Variants in EFL1 observed in about 807,000 individuals in gnomAD.
EFL1 encodes elongation factor-like GTPase 1.
EFL1 carries 76 observed loss-of-function variants against 126.7 expected under a neutral mutation model. The observed-to-expected ratio is 0.60, with a 90% CI of 0.50 to 0.73. EFL1 has a LOEUF of 0.73. Ranked by LOEUF, EFL1 falls within the 30% of genes least tolerant of loss-of-function variation. EFL1 has a pLI of 0.00. For synonymous variants in EFL1, 410 were observed against 448.4 expected (o/e 0.91, Z 1.08); for missense variants, 1,128 against 1,343.2 (o/e 0.84, Z 2.50).
intron 3 of EFL1, among the ~76,000 whole-genome samples, chr15:82,253,831 G>A (rs1289945777): frequency 6.6e-6 from 1 of 152,158 alleles, no homozygotes; most frequent in African/African-American, 2.4e-5. Context: ...AGTACTGACA[G>A]TGGTGTCGTT....
chr15:82,219,979 CGATT>C, intron 13 of EFL1, 95 bp downstream of exon 13: 1 of 1,497,266 alleles, frequency 6.7e-7, no homozygotes, highest in Non-Finnish European at 8.9e-7. Flanking sequence ...ATAAAAACTA[CGATT>C]AAAGCTTAAA....
rs752494986 is a variant in EFL1 at position 82,163,987 on chromosome 15, G to A, written c.1751-3C>T. 2 of 1,613,176 alleles carry A rather than the reference G, an allele frequency of 1.2e-6. No homozygotes were observed. The highest frequency in any genetic ancestry group is 4.5e-5 in the East Asian group (2 of 44,856). On this transcript the variant is annotated splice_polypyrimidine_tract_variant and splice_region_variant and intron_variant, in intron 15 of 19. Transcript: ENST00000268206. The stretch of plus-strand genomic sequence containing the variant: ...AAAATCTTGAAGGCCTCCTATTCCT[G>A]TAGGAAGAAAAGATCCATACGGTCA...
intron 7 of EFL1, 47 bp downstream of exon 7, chr15:82,238,260 G>C: frequency 5.1e-6 from 8 of 1,578,820 alleles, no homozygotes; most frequent in Non-Finnish European, 6.9e-6. Flanking sequence ...ACAATCAACT[G>C]CATATAAAAT....
chr15:82,203,261 T>C (rs893275150), intron 15 of EFL1, among the ~76,000 whole-genome samples: 22 of 152,378 alleles, frequency 1.4e-4, no homozygotes, highest in Admixed American at 1.1e-3. Flanking sequence ...TCATGTCCTC[T>C]CTCAAGACAA....
chr15:82,254,475 AT>A (rs758712521), intron 3 of EFL1, among the ~76,000 whole-genome samples: 1 of 151,878 alleles, frequency 6.6e-6, no homozygotes, highest in Non-Finnish European at 1.5e-5. Context: ...AAAAAAAAAA[AT>A]GTTTGTTACT....
At chr15:82,230,280 G>A (rs923093472) in intron 8 of EFL1, among the ~76,000 whole-genome samples, 2 of 152,140 alleles carry the variant, frequency 1.3e-5, no homozygotes, top group Admixed American at 1.3e-4. Context: ...GATTTTCAAT[G>A]AGAATAAATT....
intron 19 of EFL1, among the ~76,000 whole-genome samples, chr15:82,132,684 G>GA: frequency 8.9e-6 from 1 of 112,058 alleles, no homozygotes; most frequent in Admixed American, 8.4e-5. Context: ...CAGGAATTGG[G>GA]GGGGGGGGGG....
At chr15:82,132,952 T>C (rs921102716) in intron 19 of EFL1, among the ~76,000 whole-genome samples, 1 of 151,684 alleles carries the variant, frequency 6.6e-6, no homozygotes, top group African/African-American at 2.4e-5. Flanking sequence ...ACGATACCAG[T>C]AGGGCTGAGT....
chr15:82,151,434 T>C, intron 18 of EFL1, 31 bp downstream of exon 18: 2 of 1,555,584 alleles, frequency 1.3e-6, no homozygotes, highest in East Asian at 2.2e-5. Context: ...ATTCAGGGCA[T>C]TTCTCACTAT....
intron 19 of EFL1, among the ~76,000 whole-genome samples, chr15:82,135,404 T>C (rs949484092): frequency 1.3e-5 from 2 of 152,184 alleles, no homozygotes; most frequent in Non-Finnish European, 2.9e-5. Context: ...TTATACTAGT[T>C]GTCCCTAAAT....
chr15:82,162,135 G>C (rs2074029832), intron 16 of EFL1, among the ~76,000 whole-genome samples: 1 of 151,912 alleles, frequency 6.6e-6, no homozygotes, highest in Non-Finnish European at 1.5e-5. Flanking sequence ...AAATTAGCTG[G>C]GTATGGTGAC....
chr15:82,161,168 A>C (rs749966074), intron 16 of EFL1, among the ~76,000 whole-genome samples: 8 of 143,740 alleles, frequency 5.6e-5, no homozygotes, highest in Non-Finnish European at 1.1e-4. Context: ...CTTCTGGATT[A>C]ATCTAGTTGT....
At chr15:82,253,280 T>C (rs1420295747) in intron 3 of EFL1, among the ~76,000 whole-genome samples, 1 of 152,046 alleles carries the variant, frequency 6.6e-6, no homozygotes, top group East Asian at 1.9e-4. Context: ...CCTGAGGTGA[T>C]CCACCCACCT....
chr15:82,216,653 G>A (rs1438595318), intron 14 of EFL1, among the ~76,000 whole-genome samples: 2 of 151,932 alleles, frequency 1.3e-5, no homozygotes, highest in Non-Finnish European at 2.9e-5. Flanking sequence ...ATTTAAATGA[G>A]GAAAAAATGA....
In EFL1 at chr15:82,151,612, A is replaced by T. The variant is rs775000184; in HGVS notation, c.2842T>A (p.Ser948Thr). The part of the protein sequence containing the change: ...FEKRTSQKGE[S>T]PLTDCYGPFS... ...GGTCCATAGCAGTCAGTGAGTGGAGATTCTCCTTTCTGTGATGTCCTCTTC... is the reference window on the plus strand; with the variant it reads ...GGTCCATAGCAGTCAGTGAGTGGAGTTTCTCCTTTCTGTGATGTCCTCTTC... The change falls in exon 18 of 20, where the codon TCT becomes ACT. Residue 948 changes from serine to threonine, a missense_variant. Around this residue, in one of 6 missense-constraint regions of EFL1, gnomAD observed 561 missense variants for 641.7 expected, o/e 0.87. Transcript: ENST00000268206. The T allele has an allele frequency of 5.0e-6, 8 of 1,613,918 alleles. No homozygotes were observed. In the African/African-American group the frequency reaches 1.1e-4, roughly 22 times the overall value.
Position 82,229,112 on chromosome 15 carries a change from T to C in EFL1, c.856-2A>G. 1 of 1,605,802 alleles carries C rather than the reference T, an allele frequency of 6.2e-7. No individual in the cohort carries two copies. The highest frequency in any genetic ancestry group is 8.5e-7 in the Non-Finnish European group (1 of 1,177,742). ...AAATAAAGGTTTCTTTCCTTTGGCC[T>C]GTACAAAAGAACATACGGGCTTAAG... On this transcript the variant is annotated splice_acceptor_variant, in intron 8 of 19. Coordinates refer to ENST00000268206, the MANE Select transcript of EFL1 (RefSeq NM_024580.6). LOFTEE classifies it high-confidence loss of function.
chr15:82,136,161 G>A (rs180925488), intron 19 of EFL1, among the ~76,000 whole-genome samples: 1 of 152,132 alleles, frequency 6.6e-6, no homozygotes, highest in East Asian at 1.9e-4. Flanking sequence ...GTCAAATGAT[G>A]AGATTTTAAA....
chr15:82,200,769 G>T (rs1164079713), intron 15 of EFL1, among the ~76,000 whole-genome samples: 2 of 152,182 alleles, frequency 1.3e-5, no homozygotes, highest in Non-Finnish European at 2.9e-5. Context: ...AATAAGAAAT[G>T]TTCAGACCAA....
intron 11 of EFL1, among the ~76,000 whole-genome samples, chr15:82,227,042 C>T (rs74028513): frequency 1.6e-3 from 249 of 152,142 alleles, no homozygotes; most frequent in African/African-American, 5.8e-3. Flanking sequence ...TTTAATGAAC[C>T]GAAAGTCAAT....
Sources: gnomAD v4.1 joint callset for allele counts (sites outside exome capture counted in the v4.1 genomes callset) on GRCh38, gnomAD v4.1.1 for gene constraint, gnomAD v4.1.1 regional missense constraint, MANE v1.5 for transcripts, NCBI Gene and HGNC (gene_info 2026-07-23, HGNC 2026-07-21) for gene names.